SGCD: variants seen among roughly 807,000 people sequenced by gnomAD.
The protein encoded by SGCD is delta-sarcoglycan.
In SGCD, 18 loss-of-function variants were observed where a neutral mutation model predicts 36.6. The ratio of observed to expected loss-of-function variants is 0.49; its 90% CI spans 0.34 to 0.73. The LOEUF is 0.73. SGCD is among the 30% of genes least tolerant of loss of function. SGCD has a pLI of 0.01. For missense variants in SGCD, 387 were observed against 346.7 expected (o/e 1.12, Z -0.92); for synonymous variants, 133 against 130.6 (o/e 1.02, Z -0.12).
At chr5:155,924,028 G>A (rs1756943366) in intron 1 of SGCD, among the ~76,000 whole-genome samples, 1 of 152,078 alleles carries the variant, frequency 6.6e-6, no homozygotes, top group South Asian at 2.1e-4. Flanking sequence ...GAAAGAGCAA[G>A]GCAGTGTAGA....
At chr5:156,109,910 G>A (rs1363805267) in intron 1 of SGCD, among the ~76,000 whole-genome samples, 3 of 152,122 alleles carry the variant, frequency 2.0e-5, no homozygotes, top group Non-Finnish European at 4.4e-5. Flanking sequence ...ACAACTATGG[G>A]TTACGAATCA....
At chr5:156,005,689 A>G (rs1342449129) in intron 1 of SGCD, among the ~76,000 whole-genome samples, 1 of 152,076 alleles carries the variant, frequency 6.6e-6, no homozygotes, top group Non-Finnish European at 1.5e-5. Flanking sequence ...TGACCTCATG[A>G]TCCGCCCGCC....
At chr5:156,370,151 T>C (rs1261250608) in intron 3 of SGCD, among the ~76,000 whole-genome samples, 18 of 152,126 alleles carry the variant, frequency 1.2e-4, no homozygotes. Flanking sequence ...TCAGTGACCT[T>C]GAGAGAATAA....
chr5:155,747,293 T>A, the SGCD span, among the ~76,000 whole-genome samples: 1 of 152,200 alleles, frequency 6.6e-6, no homozygotes, highest in Non-Finnish European at 1.5e-5. Flanking sequence ...GGTTCAGGGA[T>A]GGCTTGACTT....
intron 1 of SGCD, among the ~76,000 whole-genome samples, chr5:156,071,013 C>A (rs1760539592): frequency 6.6e-6 from 1 of 151,906 alleles, no homozygotes; most frequent in South Asian, 2.1e-4. Context: ...CTATTTGATT[C>A]TTCTCTCTTT....
chr5:156,242,174 T>A (rs1159248586), intron 3 of SGCD, among the ~76,000 whole-genome samples: 1 of 152,128 alleles, frequency 6.6e-6, no homozygotes, highest in East Asian at 1.9e-4. Context: ...TATTCAGAAA[T>A]AAAAATAAAT....
intron 4 of SGCD, among the ~76,000 whole-genome samples, chr5:156,574,369 C>T (rs1759839233): frequency 6.6e-6 from 1 of 152,182 alleles, no homozygotes. Flanking sequence ...AAACATGATG[C>T]TAAATTCCTT....
At chr5:155,975,127 A>G (rs975941602) in intron 1 of SGCD, among the ~76,000 whole-genome samples, 1 of 152,194 alleles carries the variant, frequency 6.6e-6, no homozygotes, top group African/African-American at 2.4e-5. Flanking sequence ...CCTGAGAACA[A>G]AAACATGTCT....
intron 7 of SGCD, among the ~76,000 whole-genome samples, chr5:156,695,776 C>T (rs759846719): frequency 6.6e-6 from 1 of 152,148 alleles, no homozygotes; most frequent in Non-Finnish European, 1.5e-5. Flanking sequence ...TTTGTTGCTC[C>T]AAAGCAGTCA....
At chr5:155,855,892 G>A in the SGCD span, among the ~76,000 whole-genome samples, 4 of 152,018 alleles carry the variant, frequency 2.6e-5, no homozygotes, top group African/African-American at 9.7e-5. Flanking sequence ...TAGCAGGTAA[G>A]TACATTAACA....
At chr5:156,712,730 G>A in intron 7 of SGCD, among the ~76,000 whole-genome samples, 1 of 152,152 alleles carries the variant, frequency 6.6e-6, no homozygotes, top group East Asian at 1.9e-4. Flanking sequence ...CCAAGCCCTT[G>A]TGCTCCACCC....
At chr5:156,492,033 C>A (rs1238758293) in intron 3 of SGCD, among the ~76,000 whole-genome samples, 1 of 152,018 alleles carries the variant, frequency 6.6e-6, no homozygotes, top group South Asian at 2.1e-4. Flanking sequence ...GCTATTGTTA[C>A]CACAAAGCCT....
chr5:155,985,235 T>C (rs890946510), intron 1 of SGCD, among the ~76,000 whole-genome samples: 3 of 152,180 alleles, frequency 2.0e-5, no homozygotes, highest in Non-Finnish European at 2.9e-5. Flanking sequence ...GAGGTCAAAA[T>C]CAAGGTGCTG....
the SGCD span, among the ~76,000 whole-genome samples, chr5:155,742,988 T>G: frequency 6.6e-6 from 1 of 152,198 alleles, no homozygotes; most frequent in South Asian, 2.1e-4. Context: ...ATACATAGTG[T>G]AAGGTTTGGT....
At chr5:156,073,169 C>T (rs943105774) in intron 1 of SGCD, among the ~76,000 whole-genome samples, 2 of 152,078 alleles carry the variant, frequency 1.3e-5, no homozygotes, top group Non-Finnish European at 2.9e-5. Context: ...GAATGAAATT[C>T]AGGAAACTTG....
intron 1 of SGCD, among the ~76,000 whole-genome samples, chr5:155,961,750 C>T (rs558311499): frequency 4.6e-5 from 7 of 151,706 alleles, no homozygotes; most frequent in Admixed American, 6.6e-5. Flanking sequence ...TGGTTTGCTA[C>T]GGAATCACTT....
At chr5:156,239,356 C>T (rs553388567) in intron 3 of SGCD, among the ~76,000 whole-genome samples, 16 of 139,836 alleles carry the variant, frequency 1.1e-4, no homozygotes, top group South Asian at 2.2e-4. Context: ...GCAGAGATTG[C>T]GCCACTGCCC....
At chr5:156,237,666 G>A (rs949715250) in intron 3 of SGCD, among the ~76,000 whole-genome samples, 2 of 152,056 alleles carry the variant, frequency 1.3e-5, no homozygotes, top group South Asian at 4.2e-4. Flanking sequence ...TTTCAGAAGG[G>A]ACAGAGGATC....
At chr5:156,209,075 A>T (rs1764366879) in intron 3 of SGCD, among the ~76,000 whole-genome samples, 1 of 152,146 alleles carries the variant, frequency 6.6e-6, no homozygotes. Context: ...CACCAGGCTT[A>T]TTGCAGTAAA....
Sources: allele counts gnomAD v4.1 joint callset (sites outside exome capture counted in the v4.1 genomes callset), GRCh38; gene constraint gnomAD v4.1.1; transcripts MANE v1.5; gene names NCBI Gene and HGNC (gene_info 2026-07-23, HGNC 2026-07-21).